TNN: variants seen among roughly 807,000 people sequenced by gnomAD.
TNN encodes tenascin N, also known as tenascin-N.
A neutral mutation model predicts 134.4 loss-of-function variants in TNN; 122 were observed. The observed-to-expected ratio is 0.91, with a 90% CI of 0.78 to 1.06. The LOEUF (loss-of-function observed/expected upper bound fraction) is 1.06. Among genes scored for constraint, TNN ranks in the 50% least tolerant of loss-of-function variants. TNN has a pLI of 0.00. For missense variants in TNN, 1,739 were observed against 1,699.4 expected (o/e 1.02, Z -0.41); for synonymous variants, 710 against 670.3 (o/e 1.06, Z -0.91).
chr1:175,097,609 T>G lies in TNN; in HGVS notation c.1781T>G (p.Val594Gly), dbSNP rs967994442. Reference protein sequence around the residue: ...STVLTGLRPGVEYTVHVWAQK... With the variant: ...STVLTGLRPGGEYTVHVWAQK... ...GTCCTGACAGGCCTGAGGCCAGGTG[T>G]GGAGTACACAGTGCATGTCTGGGCC... Residue 594 changes from valine to glycine, a missense_variant, in exon 8 of 19, where the codon GTG (valine) becomes GGG (glycine). By Grantham distance (109) the Val-to-Gly change is moderately radical. Coordinates refer to ENST00000239462, the MANE Select transcript of TNN (RefSeq NM_022093.2). 6.2e-7 allele frequency: 1 copy of G among 1,613,968 alleles called. No homozygotes were observed. Among genetic ancestry groups the G allele is most frequent in the Non-Finnish European group, 8.5e-7 (1 of 1,179,992 alleles).
chr1:175,138,196 C>A (rs1006373555), intron 17 of TNN, among the ~76,000 whole-genome samples: 1 of 152,212 alleles, frequency 6.6e-6, no homozygotes, highest in Non-Finnish European at 1.5e-5. Flanking sequence ...GGGCCATGAT[C>A]TGGGTGGCCA....
At position 175,130,918 on chromosome 1, in the gene TNN, G is replaced by C. The variant is rs138268857; in HGVS notation, c.3330+2172G>C. Among the ~76,000 whole-genome samples the C allele has an allele frequency of 8.8e-3, 1,274 of 145,546 alleles. 12 individuals are homozygous for C. Among genetic ancestry groups the C allele is most frequent in the African/African-American group, 0.03 (1,219 of 40,380 alleles). On this transcript the variant is annotated intron_variant, in intron 15 of 18. Coordinates refer to ENST00000239462, the MANE Select transcript of TNN (RefSeq NM_022093.2). ...ACCCCAAGTCTTGTTTTCTGAGCCA[G>C]ACTCCTGGGGGTCATGCATGAACTG...
At chr1:175,084,048 G>A (rs921990824) in intron 5 of TNN, 113 bp downstream of exon 5, 2 of 1,111,162 alleles carry the variant, frequency 1.8e-6, no homozygotes, top group Non-Finnish European at 2.5e-6. Context: ...CAGCCCAGGG[G>A]CCTTAGGAAT....
intron 5 of TNN, among the ~76,000 whole-genome samples, chr1:175,084,700 A>G (rs1574143811): frequency 6.6e-6 from 1 of 152,270 alleles, no homozygotes; most frequent in African/African-American, 2.4e-5. Context: ...TGGGGTTCTT[A>G]GTGTTTGTGG....
intron 6 of TNN, among the ~76,000 whole-genome samples, chr1:175,093,685 T>C (rs1674502211): frequency 6.6e-6 from 1 of 152,192 alleles, no homozygotes; most frequent in African/African-American, 2.4e-5. Context: ...GAATTAGATG[T>C]ATTCTCTCTG....
chr1:175,109,378 G>T (rs756699281), intron 9 of TNN, among the ~76,000 whole-genome samples: 2 of 151,722 alleles, frequency 1.3e-5, no homozygotes, highest in African/African-American at 4.8e-5. Flanking sequence ...GTGAGCCACC[G>T]GGCCCGGCCT....
intron 1 of TNN, among the ~76,000 whole-genome samples, chr1:175,077,037 G>A (rs538855714): frequency 2.0e-5 from 3 of 152,266 alleles, no homozygotes; most frequent in East Asian, 3.9e-4. Flanking sequence ...TAATATTAGC[G>A]TTGCTGTAAA....
At chr1:175,142,892 A>G (rs1279986187) in intron 17 of TNN, among the ~76,000 whole-genome samples, 1 of 152,216 alleles carries the variant, frequency 6.6e-6, no homozygotes, top group Non-Finnish European at 1.5e-5. Context: ...CTGGGATTAC[A>G]GGTGTGAGCC....
At position 175,085,394 on chromosome 1, in the gene TNN, C is replaced by G. The variant is rs776947114; in HGVS notation, c.1235-11C>G. The G allele has an allele frequency of 6.3e-7, 1 of 1,590,870 alleles. No individual in the cohort carries two copies. The highest frequency in any genetic ancestry group is 8.6e-7 in the Non-Finnish European group (1 of 1,160,096). On this transcript the variant is annotated splice_polypyrimidine_tract_variant and intron_variant, in intron 5 of 18. Transcript: ENST00000239462. ...CTGCACTCACATCCTGCGCTGCCTG[C>G]TTGTTTCCAGGTCTGCACCCGGGGA...
chr1:175,084,115 A>G (rs912679531), intron 5 of TNN, among the ~76,000 whole-genome samples, 180 bp downstream of exon 5: 1 of 152,222 alleles, frequency 6.6e-6, no homozygotes, highest in African/African-American at 2.4e-5. Flanking sequence ...GGAGGCCTGT[A>G]GACTCTGCCC....
intron 9 of TNN, among the ~76,000 whole-genome samples, chr1:175,110,424 T>C (rs943972312): frequency 6.6e-5 from 10 of 152,248 alleles, no homozygotes; most frequent in African/African-American, 9.6e-5. Context: ...TTTTGCAGTC[T>C]TACCCAAAAT....
intron 9 of TNN, among the ~76,000 whole-genome samples, chr1:175,106,129 A>T (rs1674845518): frequency 6.9e-6 from 1 of 145,236 alleles, no homozygotes; most frequent in South Asian, 2.3e-4. Flanking sequence ...ACTGAGAAAA[A>T]TCAGATTTAG....
intron 1 of TNN, among the ~76,000 whole-genome samples, chr1:175,073,381 C>T (rs1198020682): frequency 6.6e-6 from 1 of 152,152 alleles, no homozygotes; most frequent in Non-Finnish European, 1.5e-5. Context: ...TATCCTACAC[C>T]TGCCTTCCAA....
In TNN at chr1:175,083,404, T is replaced by A. The variant is rs143222418; in HGVS notation, c.1049-346T>A. On this transcript the variant is annotated intron_variant, in intron 4 of 18. Coordinates refer to ENST00000239462, the MANE Select transcript of TNN (RefSeq NM_022093.2). ...GAAGAGTGGGCCTTTAGTTCAGGGC[T>A]GTAGCTGTCAGAGCTCTGGACTGAG... Among the ~76,000 whole-genome samples the A allele has an allele frequency of 7.9e-5, 12 of 152,342 alleles. 1 individual carries two copies. The highest frequency in any genetic ancestry group is 6.2e-4 in the South Asian group (3 of 4,832).
intron 16 of TNN, 119 bp downstream of exon 16, chr1:175,136,060 CAG>C: frequency 2.7e-6 from 2 of 729,304 alleles, no homozygotes; most frequent in Non-Finnish European, 4.9e-6. Context: ...GGCAGGGAGA[CAG>C]AGGACTGTGC....
intron 15 of TNN, 22 bp from the exon 16 acceptor site, chr1:175,135,823 A>T (rs1260569476): frequency 9.4e-6 from 15 of 1,591,372 alleles, no homozygotes; most frequent in Middle Eastern, 1.7e-4. Context: ...GGTCAGAGTG[A>T]AGTATTCATC....
At chr1:175,142,541 A>G (rs1223267117) in intron 17 of TNN, among the ~76,000 whole-genome samples, 1 of 152,194 alleles carries the variant, frequency 6.6e-6, no homozygotes, top group East Asian at 1.9e-4. Flanking sequence ...TTGTCAAGGC[A>G]TAGGTTGCCG....
chr1:175,073,103 T>C (rs1673958340), intron 1 of TNN, among the ~76,000 whole-genome samples: 1 of 152,030 alleles, frequency 6.6e-6, no homozygotes, highest in African/African-American at 2.4e-5. Context: ...TGGAAACTCA[T>C]GTGCTGCCAT....
intron 1 of TNN, among the ~76,000 whole-genome samples, chr1:175,070,129 T>A (rs1370259670): frequency 6.6e-6 from 1 of 152,174 alleles, no homozygotes; most frequent in Non-Finnish European, 1.5e-5. Context: ...CCACAAAAGC[T>A]AAAGGAAGTT....
Sources: gnomAD v4.1 joint callset for allele counts (sites outside exome capture counted in the v4.1 genomes callset) on GRCh38, gnomAD v4.1.1 for gene constraint, MANE v1.5 for transcripts, NCBI Gene and HGNC (gene_info 2026-07-23, HGNC 2026-07-21) for gene names.